The following SHISA9 variants were observed in gnomAD, a reference collection of about 807,000 sequenced individuals.
The protein encoded by SHISA9 is shisa family member 9, also known as protein shisa-9.
Under a neutral mutation model 38.0 loss-of-function variants are expected in SHISA9, and 13 were observed. The observed-to-expected ratio is 0.34, with a 90% CI of 0.22 to 0.54. The LOEUF (loss-of-function observed/expected upper bound fraction) is 0.54, where lower values mean the gene tolerates loss of function less well. Among genes scored for constraint, SHISA9 ranks in the 20% least tolerant of loss-of-function variants. The probability of loss-of-function intolerance (pLI) is 0.91; values close to 1 mark genes in which losing one functional copy is unlikely to be tolerated. For synonymous variants in SHISA9, 275 were observed against 242.0 expected, an observed-to-expected ratio of 1.14 and a Z score of -1.27; for missense variants, 538 against 575.8, an observed-to-expected ratio of 0.93 and a Z score of 0.67.
the SHISA9 span, among the ~76,000 whole-genome samples, chr16:13,298,966 C>T: frequency 2.0e-5 from 3 of 152,164 alleles, no homozygotes; most frequent in Non-Finnish European, 4.4e-5. Flanking sequence ...TGCCTGGAAG[C>T]CTTTCCCAGA....
At chr16:13,063,786 T>C (rs1359492660) in intron 2 of SHISA9, among the ~76,000 whole-genome samples, 2 of 152,084 alleles carry the variant, frequency 1.3e-5, no homozygotes, top group East Asian at 3.9e-4. Context: ...CAGGAGACGA[T>C]ATGGGGAGTA....
At chr16:13,546,340 A>G in the SHISA9 span, among the ~76,000 whole-genome samples, 1 of 152,172 alleles carries the variant, frequency 6.6e-6, no homozygotes, top group African/African-American at 2.4e-5. Flanking sequence ...TCAGTTTTGC[A>G]TGTTAGTATC....
At chr16:12,908,220 T>C (rs2071129809) in intron 1 of SHISA9, among the ~76,000 whole-genome samples, 1 of 152,226 alleles carries the variant, frequency 6.6e-6, no homozygotes, top group African/African-American at 2.4e-5. Flanking sequence ...GGATCTCGGT[T>C]ACTAACCCTT....
At chr16:13,232,072 C>T (rs917070977) in intron 4 of SHISA9, among the ~76,000 whole-genome samples, 1 of 152,186 alleles carries the variant, frequency 6.6e-6, no homozygotes, top group Non-Finnish European at 1.5e-5. Flanking sequence ...GAAGGAGAAT[C>T]AGAAACAGAC....
the SHISA9 span, among the ~76,000 whole-genome samples, chr16:13,492,201 G>C: frequency 4.2e-4 from 64 of 152,166 alleles, no homozygotes; most frequent in African/African-American, 1.5e-3. Context: ...AAAAGTAAAT[G>C]TCAAATACAG....
chr16:12,938,112 C>A (rs2071557850), intron 2 of SHISA9, among the ~76,000 whole-genome samples: 1 of 152,222 alleles, frequency 6.6e-6, no homozygotes, highest in African/African-American at 2.4e-5. Flanking sequence ...GAGGCCATGG[C>A]TGTCCTCAAA....
chr16:12,967,365 C>T (rs934550755), intron 2 of SHISA9, among the ~76,000 whole-genome samples: 5 of 151,972 alleles, frequency 3.3e-5, no homozygotes, highest in African/African-American at 1.2e-4. Flanking sequence ...ACAATGAGAA[C>T]ACATGGACAC....
intron 2 of SHISA9, among the ~76,000 whole-genome samples, chr16:12,970,454 T>TATATACATATATATAC (rs1567357279): frequency 2.9e-4 from 20 of 69,188 alleles, no homozygotes; most frequent in Non-Finnish European, 4.0e-4. Flanking sequence ...CATATATATA[T>TATATACATATATATAC]ACATATATGT....
At chr16:13,457,561 G>A in the SHISA9 span, among the ~76,000 whole-genome samples, 1,527 of 151,910 alleles carry the variant, frequency 0.01, 23 homozygotes, top group African/African-American at 0.035. Flanking sequence ...CCTTTAGGCT[G>A]ATTCTTTATG....
At chr16:13,517,434 C>A in the SHISA9 span, among the ~76,000 whole-genome samples, 762 of 152,286 alleles carry the variant, frequency 5.0e-3, 4 homozygotes, top group African/African-American at 0.017. Flanking sequence ...CACATTATAA[C>A]CAGGTTTCAA....
the SHISA9 span, among the ~76,000 whole-genome samples, chr16:13,358,515 A>G: frequency 6.6e-6 from 1 of 152,144 alleles, no homozygotes; most frequent in South Asian, 2.1e-4. Flanking sequence ...TTCCGTGAGG[A>G]TGTTGCTGGC....
chr16:13,384,354 T>G, the SHISA9 span, among the ~76,000 whole-genome samples: 122 of 152,340 alleles, frequency 8.0e-4, no homozygotes, highest in Middle Eastern at 3.4e-3. Context: ...ATTTTGCATC[T>G]TATAAAATAG....
chr16:13,213,159 C>A (rs1292896751), intron 3 of SHISA9, 94 bp from the exon 4 acceptor site: 7 of 1,107,200 alleles, frequency 6.3e-6, no homozygotes, highest in Non-Finnish European at 9.3e-6. Context: ...GAGGCTGCAG[C>A]AGGGGCAGCC....
the SHISA9 span, among the ~76,000 whole-genome samples, chr16:13,546,787 G>A: frequency 6.6e-6 from 1 of 152,142 alleles, no homozygotes; most frequent in Non-Finnish European, 1.5e-5. Flanking sequence ...TGCTTTCTCT[G>A]TCAATAGAAG....
At chr16:12,911,408 T>C in intron 1 of SHISA9, 2 of 983,588 alleles carry the variant, frequency 2.0e-6, no homozygotes, top group Non-Finnish European at 2.4e-6. Context: ...TTTTTTTGTA[T>C]GCACCCCAAT....
the SHISA9 span, among the ~76,000 whole-genome samples, chr16:13,416,613 A>G: frequency 6.6e-6 from 1 of 152,194 alleles, no homozygotes; most frequent in South Asian, 2.1e-4. Context: ...TTGAGAAGCT[A>G]AGGCAGGAGG....
In SHISA9 at chr16:13,131,632, A is replaced by G. The variant is rs550371607; in HGVS notation, c.692-71762A>G. 8.9e-5 allele frequency among the ~76,000 whole-genome samples: 10 copies of G among 112,156 alleles called. No homozygotes were observed. In the East Asian group the frequency reaches 1.7e-3, roughly 19 times the overall value. 73.6% of individuals were successfully genotyped at this position (112,156 alleles called of 152,430 possible). The stretch of plus-strand genomic sequence containing the variant: ...TACCCTAGAGCTTAAAAGTTGATGG[A>G]AAAAAAAAGGTTTTATTTACAAAAG... On this transcript the variant is annotated intron_variant, in intron 2 of 4. Coordinates refer to ENST00000558583, the MANE Select transcript of SHISA9 (RefSeq NM_001145204.3).
At chr16:13,317,634 C>T in the SHISA9 span, among the ~76,000 whole-genome samples, 1 of 152,160 alleles carries the variant, frequency 6.6e-6, no homozygotes, top group African/African-American at 2.4e-5. Context: ...GCACCTCAGT[C>T]CCTGCCTCTG....
chr16:13,168,202 T>G (rs1029580808), intron 2 of SHISA9, among the ~76,000 whole-genome samples: 3 of 152,212 alleles, frequency 2.0e-5, no homozygotes, highest in African/African-American at 7.2e-5. Context: ...GACTCAGGGT[T>G]GATTACCCAT....
Sources: allele counts gnomAD v4.1 joint callset (sites outside exome capture counted in the v4.1 genomes callset), GRCh38; gene constraint gnomAD v4.1.1; transcripts MANE v1.5; gene names NCBI Gene and HGNC (gene_info 2026-07-23, HGNC 2026-07-21).